Variants in CLOCK observed in about 807,000 individuals in gnomAD.
The protein encoded by CLOCK is clock circadian regulator.
A neutral mutation model predicts 118.4 loss-of-function variants in CLOCK; 43 were observed. The observed-to-expected ratio is 0.36, with a 90% confidence interval of 0.28 to 0.47. The LOEUF is 0.47. Among genes scored for constraint, CLOCK ranks in the 20% least tolerant of loss-of-function variants. CLOCK has a pLI of 1.00. For missense variants in CLOCK, 846 were observed against 999.9 expected (o/e 0.85, Z 2.08); for synonymous variants, 326 against 339.2 (o/e 0.96, Z 0.43).
At chr4:55,455,480 T>C (rs1392779768) in intron 13 of CLOCK, among the ~76,000 whole-genome samples, 2 of 152,170 alleles carry the variant, frequency 1.3e-5, no homozygotes, top group Non-Finnish European at 1.5e-5. Flanking sequence ...AATAAGCAGA[T>C]AACACCAAGC....
chr4:55,440,687 TTCTCCATAA>T (rs1421926753), intron 21 of CLOCK, among the ~76,000 whole-genome samples: 2 of 152,212 alleles, frequency 1.3e-5, no homozygotes, highest in Non-Finnish European at 2.9e-5. Context: ...AAGTGCTGAT[TTCTCCATAA>T]TCTTAAATTA....
intron 18 of CLOCK, among the ~76,000 whole-genome samples, chr4:55,446,410 C>T (rs920867183): frequency 6.6e-6 from 1 of 152,134 alleles, no homozygotes; most frequent in Admixed American, 6.5e-5. Flanking sequence ...AAGTAGTCTG[C>T]ACCTGGAGTT....
At chr4:55,483,302 T>C (rs1021312880) in intron 3 of CLOCK, among the ~76,000 whole-genome samples, 4 of 152,056 alleles carry the variant, frequency 2.6e-5, no homozygotes, top group African/African-American at 9.7e-5. Context: ...ATAAGAGGTA[T>C]AATGAAGGTA....
chr4:55,497,960 G>GAA (rs1290938963), intron 2 of CLOCK, among the ~76,000 whole-genome samples: 5 of 133,962 alleles, frequency 3.7e-5, no homozygotes, highest in East Asian at 2.1e-4. Flanking sequence ...TGGATCTCCA[G>GAA]AAAAAAAAAA....
chr4:55,467,928 T>C (rs962097856), intron 8 of CLOCK, among the ~76,000 whole-genome samples: 1 of 152,156 alleles, frequency 6.6e-6, no homozygotes, highest in African/African-American at 2.4e-5. Context: ...ATTAGCAAAT[T>C]ATGTACTGCA....
chr4:55,507,022 A>G (rs1728847846), intron 2 of CLOCK, among the ~76,000 whole-genome samples: 1 of 152,138 alleles, frequency 6.6e-6, no homozygotes, highest in Non-Finnish European at 1.5e-5. Flanking sequence ...ATCTGCAGAA[A>G]ATGGACCTAG....
chr4:55,476,170 C>T, intron 6 of CLOCK, 116 bp from the exon 7 acceptor site: 1 of 715,588 alleles, frequency 1.4e-6, no homozygotes, highest in East Asian at 2.7e-5. Context: ...TAGGCATTAA[C>T]ATTTATTGGG....
At chr4:55,468,410 A>G (rs1027560795) in intron 8 of CLOCK, among the ~76,000 whole-genome samples, 1 of 152,216 alleles carries the variant, frequency 6.6e-6, no homozygotes, top group African/African-American at 2.4e-5. Flanking sequence ...TCTGGCACAG[A>G]GCAGATATTA....
intron 1 of CLOCK, among the ~76,000 whole-genome samples, chr4:55,530,719 G>C (rs762050320): frequency 3.0e-5 from 4 of 133,560 alleles, no homozygotes; most frequent in African/African-American, 6.0e-5. Context: ...AGGTTGCAGT[G>C]AGCCGAGATT....
At position 55,541,803 on chromosome 4, in the gene CLOCK, G is replaced by C. The variant is rs74514149; in HGVS notation, c.-290+4979C>G. On this transcript the variant is annotated intron_variant, in intron 1 of 22. Transcript: ENST00000513440. ...GCGGGAAAGCTTAAAAAAAACTACT[G>C]AAATAGCTATCAGTCTCACAGATGC... Among the ~76,000 whole-genome samples, 415 of 151,576 alleles carry C rather than the reference G, an allele frequency of 2.7e-3. 2 individuals are homozygous for C. Among genetic ancestry groups the C allele is most frequent in the African/African-American group, 9.9e-3 (410 of 41,416 alleles).
rs989817394 is a variant in CLOCK at position 55,429,504 on chromosome 4, C to G, written c.*5911G>C. Reference sequence around the variant, plus strand: ...GTTTTGTTTTCAAAGGACCAAGTAACTTGACACCATATTAAAGACAGCAAA... The same window carrying G: ...GTTTTGTTTTCAAAGGACCAAGTAAGTTGACACCATATTAAAGACAGCAAA... On this transcript the variant is annotated 3_prime_UTR_variant, in exon 23 of 23. Coordinates refer to ENST00000513440, the MANE Select transcript of CLOCK (RefSeq NM_004898.4). 1.3e-5 allele frequency: 2 copies of G among 152,102 alleles called. No individual in the cohort carries two copies. Among genetic ancestry groups the G allele is most frequent in the African/African-American group, 2.4e-5 (1 of 41,382 alleles). 9.4% of individuals were successfully genotyped at this position (152,102 alleles called of 1,614,324 possible).
chr4:55,525,588 C>T (rs986155240), intron 1 of CLOCK, among the ~76,000 whole-genome samples: 31 of 152,088 alleles, frequency 2.0e-4, no homozygotes, highest in Admixed American at 1.1e-3. Flanking sequence ...CTGCAACCTC[C>T]GCCTCTCGAG....
chr4:55,526,941 C>T (rs1225209702), intron 1 of CLOCK, among the ~76,000 whole-genome samples: 8 of 77,700 alleles, frequency 1.0e-4, no homozygotes, highest in Non-Finnish European at 1.2e-4. Context: ...AGTGAGACTC[C>T]GTCTCAAAAA....
At chr4:55,526,364 C>T (rs1263464087) in intron 1 of CLOCK, among the ~76,000 whole-genome samples, 1 of 152,166 alleles carries the variant, frequency 6.6e-6, no homozygotes, top group East Asian at 1.9e-4. Flanking sequence ...CACAATGGAT[C>T]ATATTGTCAC....
At chr4:55,485,060 T>A (rs529541263) in intron 3 of CLOCK, among the ~76,000 whole-genome samples, 180 of 152,118 alleles carry the variant, frequency 1.2e-3, no homozygotes, top group African/African-American at 4.3e-3. Context: ...GCCTCCCAGG[T>A]TCAGGTGATT....
At chr4:55,470,689 A>T in intron 8 of CLOCK, 28 bp downstream of exon 8, 4 of 1,443,182 alleles carry the variant, frequency 2.8e-6, no homozygotes, top group Non-Finnish European at 3.9e-6. Context: ...TTTTAATACG[A>T]AGTAGATTGT....
At chr4:55,510,676 T>G (rs1215744915) in intron 1 of CLOCK, among the ~76,000 whole-genome samples, 1 of 149,642 alleles carries the variant, frequency 6.7e-6, no homozygotes, top group African/African-American at 2.5e-5. Flanking sequence ...GGAAGAGAAT[T>G]TAATGCAAGA....
chr4:55,472,259 G>A (rs1032942096), intron 7 of CLOCK, among the ~76,000 whole-genome samples: 3 of 152,176 alleles, frequency 2.0e-5, no homozygotes, highest in Non-Finnish European at 4.4e-5. Flanking sequence ...TATGTTAACA[G>A]GAAGGCAAGT....
At chr4:55,448,581 T>G (rs1466926045) in intron 18 of CLOCK, among the ~76,000 whole-genome samples, 198 bp downstream of exon 18, 1 of 126,060 alleles carries the variant, frequency 7.9e-6, no homozygotes, top group African/African-American at 2.8e-5. Flanking sequence ...TAATTATATA[T>G]GTGCGCGCGC....
Sources: allele counts gnomAD v4.1 joint callset (sites outside exome capture counted in the v4.1 genomes callset), GRCh38; gene constraint gnomAD v4.1.1; transcripts MANE v1.5; gene names NCBI Gene and HGNC (gene_info 2026-07-23, HGNC 2026-07-21).